The following NXPE4 variants were observed in gnomAD, a reference collection of about 807,000 sequenced individuals.
The protein encoded by NXPE4 is NXPE family member 4.
In NXPE4, 42 loss-of-function variants were observed where a neutral mutation model predicts 33.3. That is an observed-to-expected ratio of 1.26 (90% CI 0.98 to 1.63). The LOEUF (loss-of-function observed/expected upper bound fraction) is 1.63, where lower values mean the gene tolerates loss of function less well. NXPE4 is among the 40% of genes most tolerant of loss of function. The pLI is 0.00. For missense variants in NXPE4, 709 were observed against 647.6 expected (o/e 1.09, Z -1.03); for synonymous variants, 253 against 234.9 (o/e 1.08, Z -0.71).
chr11:114,593,978 T>C (rs1949521341), intron 2 of NXPE4, among the ~76,000 whole-genome samples: 1 of 152,032 alleles, frequency 6.6e-6, no homozygotes, highest in African/African-American at 2.4e-5. Flanking sequence ...CTTAAAATAA[T>C]TGAAGTCATG....
At chr11:114,631,022 C>G in the NXPE4 span, among the ~76,000 whole-genome samples, 2 of 151,398 alleles carry the variant, frequency 1.3e-5, no homozygotes, top group East Asian at 3.9e-4. Flanking sequence ...AGTCAGGAAA[C>G]AACAGGTGCT....
At chr11:114,572,186 G>A (rs1048866346) in intron 5 of NXPE4, among the ~76,000 whole-genome samples, 3 of 152,048 alleles carry the variant, frequency 2.0e-5, no homozygotes, top group Non-Finnish European at 4.4e-5. Context: ...CCACATCAAG[G>A]GAGCACCCTG....
At chr11:114,583,191 A>G (rs540593311) in intron 2 of NXPE4, 170 bp from the exon 3 acceptor site, 29 of 790,246 alleles carry the variant, frequency 3.7e-5, no homozygotes, top group Non-Finnish European at 5.6e-5. Flanking sequence ...AAATTCTCCA[A>G]TAAAAAGGCA....
the NXPE4 span, among the ~76,000 whole-genome samples, chr11:114,603,496 A>G: frequency 3.3e-5 from 5 of 150,138 alleles, no homozygotes; most frequent in African/African-American, 7.4e-5. Context: ...GGTAACTCCT[A>G]TTACCTGGTG....
the NXPE4 span, among the ~76,000 whole-genome samples, chr11:114,601,690 A>ATTT: frequency 6.2e-5 from 2 of 32,450 alleles, no homozygotes; most frequent in African/African-American, 2.0e-4. Context: ...TAGATTATAT[A>ATTT]TATTTATAAT....
At chr11:114,611,961 G>A in the NXPE4 span, among the ~76,000 whole-genome samples, 6 of 151,936 alleles carry the variant, frequency 3.9e-5, no homozygotes, top group Admixed American at 3.9e-4. Context: ...TAGATAATAA[G>A]TATTGCCTCG....
chr11:114,608,782 G>A, the NXPE4 span, among the ~76,000 whole-genome samples: 14 of 151,512 alleles, frequency 9.2e-5, no homozygotes, highest in African/African-American at 3.4e-4. Flanking sequence ...GATAACCACG[G>A]TTACCCTGTG....
chr11:114,653,533 CT>C, the NXPE4 span, among the ~76,000 whole-genome samples: 72,222 of 103,456 alleles, frequency 0.7, 25,957 homozygotes, highest in Non-Finnish European at 0.79. Flanking sequence ...CCTGCTTTCC[CT>C]TTTTTTTTTT....
chr11:114,640,663 G>T, the NXPE4 span, among the ~76,000 whole-genome samples: 1 of 151,870 alleles, frequency 6.6e-6, no homozygotes, highest in African/African-American at 2.4e-5. Flanking sequence ...CTAGGGTAAG[G>T]TGGTATCTCA....
At chr11:114,608,401 A>C in the NXPE4 span, among the ~76,000 whole-genome samples, 1 of 151,966 alleles carries the variant, frequency 6.6e-6, no homozygotes, top group East Asian at 1.9e-4. Context: ...ATGGGTAACC[A>C]CTGTTACCTG....
At chr11:114,657,800 G>A in the NXPE4 span, among the ~76,000 whole-genome samples, 1 of 152,086 alleles carries the variant, frequency 6.6e-6, no homozygotes, top group Non-Finnish European at 1.5e-5. Context: ...CATTAATTTA[G>A]TTAAATATAC....
At chr11:114,642,102 T>A in the NXPE4 span, among the ~76,000 whole-genome samples, 1 of 152,048 alleles carries the variant, frequency 6.6e-6, no homozygotes, top group African/African-American at 2.4e-5. Flanking sequence ...TGGAAAAGGC[T>A]GGCAAACACT....
At chr11:114,617,253 C>A in the NXPE4 span, among the ~76,000 whole-genome samples, 1 of 151,806 alleles carries the variant, frequency 6.6e-6, no homozygotes, top group African/African-American at 2.4e-5. Flanking sequence ...ACCACTGTTA[C>A]CTGGTGGATG....
the NXPE4 span, among the ~76,000 whole-genome samples, chr11:114,613,985 A>G: frequency 6.8e-6 from 1 of 147,466 alleles, no homozygotes; most frequent in East Asian, 2.1e-4. Flanking sequence ...TATTGCCTCT[A>G]GGGTTACCAC....
the NXPE4 span, among the ~76,000 whole-genome samples, chr11:114,673,163 G>A: frequency 1.3e-5 from 2 of 150,066 alleles, no homozygotes; most frequent in African/African-American, 4.9e-5. Context: ...TTAGAAATTG[G>A]TAATGAAAAT....
At chr11:114,573,828 A>G (rs1948942268) in intron 5 of NXPE4, among the ~76,000 whole-genome samples, 1 of 152,106 alleles carries the variant, frequency 6.6e-6, no homozygotes, top group Non-Finnish European at 1.5e-5. Flanking sequence ...ACAAAGAAAT[A>G]ATGGACTTAA....
At chr11:114,616,110 GGTAACCACT>G in the NXPE4 span, among the ~76,000 whole-genome samples, 2 of 151,292 alleles carry the variant, frequency 1.3e-5, no homozygotes, top group South Asian at 4.2e-4. Context: ...ATGCATCATG[GGTAACCACT>G]GTTATCCGGT....
chr11:114,571,574 C>A, intron 5 of NXPE4, 101 bp from the exon 6 acceptor site: 1 of 1,048,672 alleles, frequency 9.5e-7, no homozygotes. Flanking sequence ...ATTAAATAAG[C>A]TAATCATGTC....
chr11:114,607,986 G>A, the NXPE4 span, among the ~76,000 whole-genome samples: 14 of 148,180 alleles, frequency 9.4e-5, no homozygotes, highest in Non-Finnish European at 1.8e-4. Flanking sequence ...GTGAGTCACC[G>A]CTGCTACCTG....
Sources: allele counts gnomAD v4.1 joint callset (sites outside exome capture counted in the v4.1 genomes callset), GRCh38; gene constraint gnomAD v4.1.1; transcripts MANE v1.5; gene names NCBI Gene and HGNC (gene_info 2026-07-23, HGNC 2026-07-21).